Variants in DCLRE1A observed in about 807,000 individuals in gnomAD.
DCLRE1A encodes DNA cross-link repair 1A.
In DCLRE1A, 64 loss-of-function variants were observed where a neutral mutation model predicts 91.9. That is an observed-to-expected ratio of 0.70 (90% CI 0.57 to 0.86). The LOEUF (loss-of-function observed/expected upper bound fraction) is 0.86. Ranked by LOEUF, DCLRE1A falls within the 40% of genes least tolerant of loss-of-function variation. The pLI is 0.00. For missense variants in DCLRE1A, 1,145 were observed against 1,213.3 expected, an observed-to-expected ratio of 0.94 and a Z score of 0.84; for synonymous variants, 416 against 431.1, an observed-to-expected ratio of 0.96 and a Z score of 0.43.
At chr10:113,836,824 A>G (rs1845369601) in intron 8 of DCLRE1A, among the ~76,000 whole-genome samples, 2 of 152,172 alleles carry the variant, frequency 1.3e-5, no homozygotes, top group South Asian at 2.1e-4. Flanking sequence ...TTTCCTCTCA[A>G]TATCACTGAT....
chr10:113,846,710 T>C (rs756824734), intron 3 of DCLRE1A, among the ~76,000 whole-genome samples: 5 of 152,362 alleles, frequency 3.3e-5, no homozygotes, highest in South Asian at 4.1e-4. Flanking sequence ...ATATAACCTA[T>C]GCATATCCTC....
Position 113,850,529 on chromosome 10 carries a change from A to G in DCLRE1A, c.576T>C (p.Pro192=), listed in dbSNP as rs1319212038. ...TCTCACTGAAACTGCCACCTGACGC[A>G]GGTGATGGGCTGCTAAAAGGATGAT... The part of the protein sequence containing the change: ...AGDHPFSSPS[P]ASGGSFSETK... Residue 192 remains proline, a synonymous_variant, in exon 2 of 9, where the codon CCT becomes CCC. Transcript: ENST00000361384. 1 of 1,614,136 alleles carries G rather than the reference A, an allele frequency of 6.2e-7. No individual in the cohort carries two copies.
chr10:113,850,073 A>C lies in DCLRE1A; in HGVS notation c.1032T>G (p.Phe344Leu), dbSNP rs752912107. ...LEEDDDSCGF[F>L]KKRHGPLLKD... ...TCAGTAAGGGACCATGTCGTTTTTTAAAAAAACCACAGCTGTCATCATCTT... is the reference window on the plus strand; with the variant it reads ...TCAGTAAGGGACCATGTCGTTTTTTCAAAAAACCACAGCTGTCATCATCTT... Residue 344 changes from phenylalanine (F) to leucine (L), a missense_variant, in exon 2 of 9, where the codon TTT becomes TTG. Transcript: ENST00000361384. 1.2e-6 allele frequency: 2 copies of C among 1,613,306 alleles called. No individual in the cohort carries two copies. The highest frequency in any genetic ancestry group is 4.5e-5 in the East Asian group (2 of 44,874).
intron 4 of DCLRE1A, among the ~76,000 whole-genome samples, chr10:113,844,734 G>A (rs369920823): frequency 1.3e-5 from 2 of 152,154 alleles, no homozygotes; most frequent in East Asian, 3.9e-4. Context: ...TCAGGAGTTC[G>A]AAACCAGCCT....
chr10:113,835,921 A>G (rs1845354826), intron 8 of DCLRE1A, among the ~76,000 whole-genome samples: 2 of 152,262 alleles, frequency 1.3e-5, no homozygotes, highest in African/African-American at 4.8e-5. Flanking sequence ...GCGACACAGC[A>G]AGACTCTTGT....
In DCLRE1A at chr10:113,849,710, C is replaced by T. The variant is rs147308028; in HGVS notation, c.1395G>A (p.Met465Ile). 3.1e-5 allele frequency: 50 copies of T among 1,614,044 alleles called. No individual in the cohort carries two copies. The African/African-American group carries it at 6.0e-4, about 19-fold the overall frequency. ...QVSLPLVKSLMLKPFESQVEG... is the reference protein window; with the variant it reads ...QVSLPLVKSLILKPFESQVEG... ...CTACCTGACTTTCAAAAGGTTTCAA[C>T]ATTAAACTCTTAACTAACGGAAGAG... Residue 465 changes from methionine to isoleucine, a missense_variant, in exon 2 of 9, where the codon ATG becomes ATA. Coordinates refer to ENST00000361384, the MANE Select transcript of DCLRE1A (RefSeq NM_014881.5).
chr10:113,839,025 G>A (rs1454593550), intron 7 of DCLRE1A, among the ~76,000 whole-genome samples: 2 of 152,084 alleles, frequency 1.3e-5, no homozygotes, highest in Admixed American at 6.6e-5. Context: ...CTGCGTTTTG[G>A]AGGTAAGAAA....
chr10:113,839,372 G>A (rs139934377), intron 7 of DCLRE1A, among the ~76,000 whole-genome samples: 5 of 150,802 alleles, frequency 3.3e-5, no homozygotes, highest in Non-Finnish European at 7.4e-5. Flanking sequence ...AAAATATTTG[G>A]GTAAATGAGG....
chr10:113,837,310 T>G (rs1427072978), intron 7 of DCLRE1A, 107 bp from the exon 8 acceptor site: 2 of 1,019,468 alleles, frequency 2.0e-6, no homozygotes, highest in African/African-American at 1.6e-5. Context: ...GTTTTCATTT[T>G]TAAGCATTAG....
chr10:113,850,866 T>C (rs1318499012), intron 1 of DCLRE1A, among the ~76,000 whole-genome samples: 2 of 152,210 alleles, frequency 1.3e-5, no homozygotes, highest in African/African-American at 4.8e-5. Context: ...AAGGCTTTAC[T>C]AATTTGGAAA....
At chr10:113,841,820 G>C (rs1285060664) in intron 6 of DCLRE1A, among the ~76,000 whole-genome samples, 5 of 152,160 alleles carry the variant, frequency 3.3e-5, no homozygotes, top group Admixed American at 1.3e-4. Context: ...AAAGTGGGTA[G>C]AGGAAGGGAA....
chr10:113,847,992 T>C (rs921842140), intron 2 of DCLRE1A, among the ~76,000 whole-genome samples: 9 of 152,180 alleles, frequency 5.9e-5, no homozygotes, highest in Non-Finnish European at 1.2e-4. Flanking sequence ...TTGAGGCTTA[T>C]CAACACATGG....
At chr10:113,854,267 G>T, upstream of DCLRE1A, 1 of 152,292 alleles carries the variant, frequency 6.6e-6, no homozygotes, top group Non-Finnish European at 1.5e-5. Flanking sequence ...ACAAAACGCT[G>T]TGTTTGTGTA....
chr10:113,837,635 G>A (rs765100505), intron 7 of DCLRE1A, among the ~76,000 whole-genome samples: 22 of 152,154 alleles, frequency 1.4e-4, no homozygotes, highest in Admixed American at 1.2e-3. Flanking sequence ...AATTTTATGT[G>A]AATGGCATTA....
intron 7 of DCLRE1A, among the ~76,000 whole-genome samples, chr10:113,840,197 G>A (rs895328928): frequency 6.6e-6 from 1 of 151,810 alleles, no homozygotes; most frequent in African/African-American, 2.4e-5. Context: ...AGGAGGCTGA[G>A]GCATGAGAAT....
chr10:113,847,759 C>T (rs1256336766), intron 2 of DCLRE1A, among the ~76,000 whole-genome samples: 1 of 151,192 alleles, frequency 6.6e-6, no homozygotes, highest in East Asian at 2.0e-4. Flanking sequence ...CATAATCTCA[C>T]ATATGAGACA....
Position 113,850,411 on chromosome 10 carries a change from T to G in DCLRE1A, c.694A>C (p.Thr232Pro). Residue 232 changes from threonine (T) to proline (P), a missense_variant, in exon 2 of 9, where the codon ACA becomes CCA. Transcript: ENST00000361384. ...GACGGAGACTTTTTAAAATACTGTG[T>G]CATCAATAAGGGATCATTTGAAACC... ...NSVSNDPLLM[T>P]QYFKKSPSLT... The G allele has an allele frequency of 1.2e-6, 2 of 1,614,222 alleles. No homozygotes were observed. The highest frequency in any genetic ancestry group is 2.2e-5 in the South Asian group (2 of 91,078).
intron 2 of DCLRE1A, 33 bp from the exon 3 acceptor site, chr10:113,847,368 C>A: frequency 1.9e-6 from 3 of 1,610,672 alleles, no homozygotes; most frequent in Non-Finnish European, 2.5e-6. Context: ...GTAGGTTGAG[C>A]AAGAGCTAAG....
chr10:113,840,313 A>C lies in DCLRE1A; in HGVS notation c.2820+1093T>G, dbSNP rs527996805. Among the ~76,000 whole-genome samples the C allele has an allele frequency of 5.6e-3, 827 of 148,464 alleles. 6 individuals carry two copies. Among genetic ancestry groups the C allele is most frequent in the African/African-American group, 0.019 (791 of 40,572 alleles). On this transcript the variant is annotated intron_variant, in intron 7 of 8. Transcript: ENST00000361384. ...TGTCTCCAAAAAAAAAAAAAACAAC[A>C]AAAAAAAAAGTTTGAGTTTGTAGTA...
Sources: gnomAD v4.1 joint callset for allele counts (sites outside exome capture counted in the v4.1 genomes callset) on GRCh38, gnomAD v4.1.1 for gene constraint, MANE v1.5 for transcripts, NCBI Gene and HGNC (gene_info 2026-07-23, HGNC 2026-07-21) for gene names.